SLCO1A2: variants seen among roughly 807,000 people sequenced by gnomAD.
SLCO1A2 encodes the protein solute carrier organic anion transporter family member 1A2, also known as OATP-1.
A neutral mutation model predicts 69.0 loss-of-function variants in SLCO1A2; 67 were observed. The ratio of observed to expected loss-of-function variants is 0.97; its 90% CI spans 0.80 to 1.19. The LOEUF is 1.19. Ranked by LOEUF, SLCO1A2 falls within the 50% of genes most tolerant of loss-of-function variation. The pLI is 0.00. For missense variants in SLCO1A2, 787 were observed against 793.7 expected (o/e 0.99, Z 0.10); for synonymous variants, 260 against 265.9 (o/e 0.98, Z 0.22).
At chr12:21,302,617 CTCCACCTCCCGGGTTCAAGTGA>C (rs923276651) in intron 6 of SLCO1A2, among the ~76,000 whole-genome samples, 1 of 151,712 alleles carries the variant, frequency 6.6e-6, no homozygotes, top group South Asian at 2.1e-4. Context: ...TCACTGCAAC[CTCCACCTCCCGGGTTCAAGTGA>C]TCCACCTCCC....
chr12:21,291,597 A>G (rs576546488), intron 12 of SLCO1A2, among the ~76,000 whole-genome samples: 1 of 152,180 alleles, frequency 6.6e-6, no homozygotes, highest in Non-Finnish European at 1.5e-5. Flanking sequence ...AAGAAGATTT[A>G]TTTAATATAC....
At chr12:21,397,669 C>T (rs1226200339), upstream of SLCO1A2, among the ~76,000 whole-genome samples, 5 of 150,592 alleles carry the variant, frequency 3.3e-5, no homozygotes, top group Non-Finnish European at 5.9e-5. Flanking sequence ...TTATAACAAA[C>T]TATCTCTCAG....
chr12:21,280,615 C>T (rs1191518438), intron 12 of SLCO1A2, among the ~76,000 whole-genome samples: 2 of 151,120 alleles, frequency 1.3e-5, no homozygotes, highest in Admixed American at 1.3e-4. Context: ...AGAGATAGAG[C>T]CTAATACAAT....
At position 21,266,340 on chromosome 12, in the gene SLCO1A2, T is replaced by C. The variant is rs926558598; in HGVS notation, c.*3208A>G. On this transcript the variant is annotated 3_prime_UTR_variant, in exon 15 of 15. Transcript: ENST00000683939. Reference sequence around the variant, plus strand: ...TTGAACTGATTTGTTATTCTTAATATATTTATTCAGCTGCAATCCCTAGTG... The same window carrying C: ...TTGAACTGATTTGTTATTCTTAATACATTTATTCAGCTGCAATCCCTAGTG... 1.3e-5 allele frequency: 2 copies of C among 152,150 alleles called. No individual in the cohort carries two copies. The highest frequency in any genetic ancestry group is 6.6e-5 in the Admixed American group (1 of 15,260). 9.4% of individuals were successfully genotyped at this position (152,150 alleles called of 1,614,324 possible).
intron 2 of SLCO1A2, among the ~76,000 whole-genome samples, chr12:21,366,898 G>T: frequency 6.6e-6 from 1 of 151,918 alleles, no homozygotes; most frequent in Non-Finnish European, 1.5e-5. Context: ...AAAGCGTTTT[G>T]GGAGAGGAAA....
intron 2 of SLCO1A2, among the ~76,000 whole-genome samples, chr12:21,358,722 TAAAAG>T (rs1350413542): frequency 4.6e-5 from 7 of 150,672 alleles, no homozygotes; most frequent in African/African-American, 9.8e-5. Flanking sequence ...TTGAAAAAAT[TAAAAG>T]AAAAATAAAA....
At chr12:21,287,777 C>T (rs1469526894) in intron 12 of SLCO1A2, among the ~76,000 whole-genome samples, 46 of 111,306 alleles carry the variant, frequency 4.1e-4, no homozygotes, top group African/African-American at 1.2e-3. Flanking sequence ...AACCAAACAC[C>T]GCATATTCTC....
chr12:21,392,174 C>G (rs941801377), intron 1 of SLCO1A2, among the ~76,000 whole-genome samples: 9 of 152,160 alleles, frequency 5.9e-5, no homozygotes, highest in African/African-American at 2.2e-4. Flanking sequence ...TCGCCTCTGA[C>G]TAATCACATA....
intron 1 of SLCO1A2, among the ~76,000 whole-genome samples, chr12:21,403,048 A>T (rs1941757771): frequency 6.6e-6 from 1 of 152,140 alleles, no homozygotes; most frequent in Admixed American, 6.5e-5. Context: ...AATTTGAACG[A>T]TGGTTGTGGA....
intron 1 of SLCO1A2, among the ~76,000 whole-genome samples, chr12:21,401,854 T>A (rs1228820860): frequency 1.3e-5 from 2 of 151,610 alleles, no homozygotes; most frequent in Non-Finnish European, 3.0e-5. Flanking sequence ...CCAATATAAA[T>A]ATAAATGAAA....
chr12:21,384,829 G>C (rs1023163725), intron 1 of SLCO1A2, among the ~76,000 whole-genome samples: 2 of 149,736 alleles, frequency 1.3e-5, no homozygotes, highest in South Asian at 2.1e-4. Flanking sequence ...GCGGTGGCGC[G>C]ATCTCGGCTC....
intron 14 of SLCO1A2, among the ~76,000 whole-genome samples, chr12:21,270,935 C>G (rs1318845898): frequency 6.6e-6 from 1 of 151,554 alleles, no homozygotes; most frequent in South Asian, 2.1e-4. Context: ...TTCTTATTCC[C>G]TCTATGGTAT....
At chr12:21,408,475 A>G (rs780343919) in intron 1 of SLCO1A2, among the ~76,000 whole-genome samples, 1 of 152,096 alleles carries the variant, frequency 6.6e-6, no homozygotes, top group Non-Finnish European at 1.5e-5. Context: ...TTTCAGTACT[A>G]CTTTACCACA....
intron 6 of SLCO1A2, among the ~76,000 whole-genome samples, chr12:21,303,205 C>T (rs1233946022): frequency 6.6e-6 from 1 of 151,962 alleles, no homozygotes; most frequent in East Asian, 1.9e-4. Flanking sequence ...CTTGTATGGA[C>T]CACATCATCC....
At position 21,301,288 on chromosome 12, in the gene SLCO1A2, A is replaced by G. The variant is rs1236363840; in HGVS notation, c.590-19T>C. Reference sequence around the variant, plus strand: ...ACAAGCCCTAAAAATAAATAAAAGTATAAGGTTATAGTACAGTTATATGCC... The same window carrying G: ...ACAAGCCCTAAAAATAAATAAAAGTGTAAGGTTATAGTACAGTTATATGCC... On this transcript the variant is annotated intron_variant, in intron 6 of 14. Coordinates refer to ENST00000683939, the MANE Select transcript of SLCO1A2 (RefSeq NM_001386879.1). 13 of 1,551,164 alleles carry G rather than the reference A, an allele frequency of 8.4e-6. No individual in the cohort carries two copies. The highest frequency in any genetic ancestry group is 6.8e-5 in the Admixed American group (4 of 59,194).
chr12:21,297,583 T>G lies in SLCO1A2; in HGVS notation c.911-15A>C. ...AGGTAGAAAATCTGAAATGAAAGAA[T>G]GACAACTGTGTCAAACGAACTTGGC... On this transcript the variant is annotated splice_polypyrimidine_tract_variant and intron_variant, in intron 8 of 14. Coordinates refer to ENST00000683939, the MANE Select transcript of SLCO1A2 (RefSeq NM_001386879.1). The G allele has an allele frequency of 6.5e-7, 1 of 1,543,512 alleles. No homozygotes were observed. The highest frequency in any genetic ancestry group is 8.8e-7 in the Non-Finnish European group (1 of 1,134,994).
intron 2 of SLCO1A2, among the ~76,000 whole-genome samples, chr12:21,356,307 C>T (rs1027787498): frequency 1.3e-5 from 2 of 151,780 alleles, no homozygotes; most frequent in African/African-American, 4.8e-5. Flanking sequence ...GAAGTAAGCC[C>T]AAACATACCT....
At chr12:21,318,128 CT>C (rs201619597) in intron 3 of SLCO1A2, among the ~76,000 whole-genome samples, 2,999 of 143,568 alleles carry the variant, frequency 0.021, 40 homozygotes, top group Middle Eastern at 0.043. Context: ...TCTACCTTTT[CT>C]TTTTTTTTTT....
intron 1 of SLCO1A2, among the ~76,000 whole-genome samples, chr12:21,384,626 A>T (rs1163601131): frequency 6.6e-6 from 1 of 152,234 alleles, no homozygotes; most frequent in African/African-American, 2.4e-5. Context: ...AATACTAAAA[A>T]GATATAATTT....
Sources: allele counts gnomAD v4.1 joint callset (sites outside exome capture counted in the v4.1 genomes callset), GRCh38; gene constraint gnomAD v4.1.1; transcripts MANE v1.5; gene names NCBI Gene and HGNC (gene_info 2026-07-23, HGNC 2026-07-21).